The following ABI1 variants were observed in gnomAD, a reference collection of about 807,000 sequenced individuals.
The protein encoded by ABI1 is Abelson interactor 1.
A neutral mutation model predicts 54.6 loss-of-function variants in ABI1; 14 were observed. That is an observed-to-expected ratio of 0.26 (90% CI 0.17 to 0.40). The LOEUF (loss-of-function observed/expected upper bound fraction) is 0.40. ABI1 is among the 10% of genes least tolerant of loss of function. The pLI is 1.00. For missense variants in ABI1, 443 were observed against 598.3 expected (o/e 0.74, Z 2.71); for synonymous variants, 194 against 209.3 (o/e 0.93, Z 0.63).
At chr10:26,853,691 A>C (rs897231282) in intron 1 of ABI1, among the ~76,000 whole-genome samples, 18 of 151,816 alleles carry the variant, frequency 1.2e-4, no homozygotes, top group Non-Finnish European at 2.1e-4. Flanking sequence ...GATGCCCGCC[A>C]CCACACCCAG....
chr10:26,831,970 CAGA>C (rs1418305105), intron 1 of ABI1, among the ~76,000 whole-genome samples: 6 of 152,278 alleles, frequency 3.9e-5, no homozygotes, highest in Admixed American at 6.5e-5. Flanking sequence ...TTGATTTTAC[CAGA>C]AGATGTCAAA....
intron 2 of ABI1, among the ~76,000 whole-genome samples, chr10:26,797,333 G>A (rs953445714): frequency 2.0e-5 from 3 of 152,130 alleles, no homozygotes; most frequent in African/African-American, 7.2e-5. Flanking sequence ...ATTCATAGGT[G>A]TTCATTTATG....
intron 2 of ABI1, among the ~76,000 whole-genome samples, chr10:26,793,410 C>T (rs559669100): frequency 3.3e-5 from 5 of 152,270 alleles, no homozygotes; most frequent in East Asian, 1.9e-4. Flanking sequence ...GACCCATATA[C>T]ACACCATAAA....
Position 26,748,755 on chromosome 10 carries a change from A to C in ABI1, c.1271-10T>G. The stretch of plus-strand genomic sequence containing the variant: ...TCATATATTGCAACAACTATGGAAA[A>C]AACAGTTGAAATATCACATGAGTGC... On this transcript the variant is annotated splice_polypyrimidine_tract_variant and intron_variant, in intron 10 of 10. Transcript: ENST00000376140. The C allele has an allele frequency of 6.2e-7, 1 of 1,600,916 alleles. No homozygotes were observed.
At chr10:26,824,679 T>A (rs2048196705) in intron 1 of ABI1, among the ~76,000 whole-genome samples, 1 of 151,412 alleles carries the variant, frequency 6.6e-6, no homozygotes, top group Non-Finnish European at 1.5e-5. Context: ...TGAAAATGCA[T>A]GTTTTTTTAA....
At chr10:26,765,611 G>A (rs1413924046) in intron 6 of ABI1, among the ~76,000 whole-genome samples, 1 of 141,360 alleles carries the variant, frequency 7.1e-6, no homozygotes, top group African/African-American at 2.6e-5. Context: ...TGGGGATGCA[G>A]AACCTGAGGA....
intron 7 of ABI1, among the ~76,000 whole-genome samples, chr10:26,763,497 C>G (rs1839501730): frequency 6.6e-6 from 1 of 152,128 alleles, no homozygotes; most frequent in African/African-American, 2.4e-5. Context: ...TATCGTTTGC[C>G]TTTCAATTTT....
chr10:26,748,795 T>G (rs1158982263), intron 10 of ABI1, 50 bp from the exon 11 acceptor site: 1 of 1,321,644 alleles, frequency 7.6e-7, no homozygotes, highest in African/African-American at 1.5e-5. Context: ...TATCCAAAAT[T>G]TACTTGAATT....
intron 1 of ABI1, among the ~76,000 whole-genome samples, chr10:26,841,646 CTTTTT>C (rs75765839): frequency 0.016 from 2,338 of 150,652 alleles, 51 homozygotes; most frequent in African/African-American, 0.054. Flanking sequence ...ATATTTGACT[CTTTTT>C]TTTTATTTTT....
chr10:26,768,318 G>A (rs1175571287), intron 6 of ABI1, among the ~76,000 whole-genome samples: 1 of 151,954 alleles, frequency 6.6e-6, no homozygotes, highest in Non-Finnish European at 1.5e-5. Context: ...GGCCGAGGCA[G>A]GAGGATCACC....
At chr10:26,796,622 G>A (rs950558608) in intron 2 of ABI1, among the ~76,000 whole-genome samples, 2 of 152,322 alleles carry the variant, frequency 1.3e-5, no homozygotes, top group East Asian at 1.9e-4. Context: ...AAGCATGACT[G>A]TATTAAGGAT....
At chr10:26,797,554 TA>T (rs1477787628) in intron 2 of ABI1, among the ~76,000 whole-genome samples, 9 of 152,142 alleles carry the variant, frequency 5.9e-5, no homozygotes, top group African/African-American at 2.2e-4. Context: ...GAAGAGTATC[TA>T]TATGCCTTTA....
At chr10:26,774,270 A>T (rs1841107002) in intron 3 of ABI1, among the ~76,000 whole-genome samples, 1 of 152,006 alleles carries the variant, frequency 6.6e-6, no homozygotes, top group African/African-American at 2.4e-5. Context: ...TCTTTCTGGA[A>T]TTTTTTTATC....
At chr10:26,831,732 TAA>T (rs11354892) in intron 1 of ABI1, among the ~76,000 whole-genome samples, 1 of 151,942 alleles carries the variant, frequency 6.6e-6, no homozygotes, top group Non-Finnish European at 1.5e-5. Flanking sequence ...AGGTATCTTG[TAA>T]AAAAAATCCT....
chr10:26,757,081 T>A (rs368340173), intron 8 of ABI1, among the ~76,000 whole-genome samples: 1 of 152,092 alleles, frequency 6.6e-6, no homozygotes, highest in African/African-American at 2.4e-5. Flanking sequence ...GAAACAACTC[T>A]TAGTAACTAG....
intron 2 of ABI1, among the ~76,000 whole-genome samples, chr10:26,817,594 A>G (rs939610528): frequency 6.6e-6 from 1 of 152,156 alleles, no homozygotes; most frequent in Non-Finnish European, 1.5e-5. Context: ...ACATTGTTTC[A>G]GTTTGGAAAA....
intron 2 of ABI1, among the ~76,000 whole-genome samples, chr10:26,810,001 A>C (rs1005064525): frequency 6.6e-6 from 1 of 152,202 alleles, no homozygotes; most frequent in East Asian, 1.9e-4. Flanking sequence ...AAATCTTTGA[A>C]TCATTCCAGT....
At chr10:26,779,695 C>T (rs900737300) in intron 2 of ABI1, among the ~76,000 whole-genome samples, 13 of 152,164 alleles carry the variant, frequency 8.5e-5, no homozygotes, top group Non-Finnish European at 1.3e-4. Flanking sequence ...ATTTTGCTGG[C>T]TATCTTAGTG....
At chr10:26,786,842 C>T (rs1278493295) in intron 2 of ABI1, among the ~76,000 whole-genome samples, 1 of 152,198 alleles carries the variant, frequency 6.6e-6, no homozygotes, top group Non-Finnish European at 1.5e-5. Flanking sequence ...ACAAACTTTT[C>T]TTTATCTATT....
Sources: gnomAD v4.1 joint callset for allele counts (sites outside exome capture counted in the v4.1 genomes callset) on GRCh38, gnomAD v4.1.1 for gene constraint, MANE v1.5 for transcripts, NCBI Gene and HGNC (gene_info 2026-07-23, HGNC 2026-07-21) for gene names.